Variants in TGFB2 observed in about 807,000 individuals in gnomAD.
The protein encoded by TGFB2 is transforming growth factor beta-2 proprotein.
Under a neutral mutation model 42.7 loss-of-function variants are expected in TGFB2, and 13 were observed. The observed-to-expected ratio is 0.30, with a 90% CI of 0.20 to 0.48. The LOEUF (loss-of-function observed/expected upper bound fraction) is 0.48. Among genes scored for constraint, TGFB2 ranks in the 20% least tolerant of loss-of-function variants. The pLI is 0.99. For synonymous variants in TGFB2, 193 were observed against 193.6 expected, an observed-to-expected ratio of 1.00 and a Z score of 0.03; for missense variants, 390 against 517.5, an observed-to-expected ratio of 0.75 and a Z score of 2.39.
At chr1:218,395,832 T>C (rs900431493) in intron 1 of TGFB2, among the ~76,000 whole-genome samples, 4 of 152,144 alleles carry the variant, frequency 2.6e-5, no homozygotes, top group African/African-American at 9.7e-5. Flanking sequence ...GCCAGGATGG[T>C]CTCGATCTCC....
intron 1 of TGFB2, among the ~76,000 whole-genome samples, chr1:218,404,894 TG>T (rs1658854992): frequency 6.6e-6 from 1 of 152,242 alleles, no homozygotes; most frequent in Non-Finnish European, 1.5e-5. Context: ...TCCACCAGTC[TG>T]TCAGCCTTCA....
chr1:218,392,761 T>G (rs190566066), intron 1 of TGFB2, among the ~76,000 whole-genome samples: 60 of 152,378 alleles, frequency 3.9e-4, no homozygotes, highest in African/African-American at 1.3e-3. Context: ...TTTACTTCTC[T>G]AAAACTGGAT....
chr1:218,432,632 G>A (rs571491414), intron 2 of TGFB2, among the ~76,000 whole-genome samples: 3 of 152,256 alleles, frequency 2.0e-5, no homozygotes, highest in African/African-American at 4.8e-5. Context: ...AAGGTTTAAA[G>A]GATAGTTAAT....
chr1:218,369,816 C>G (rs1179304322), intron 1 of TGFB2, among the ~76,000 whole-genome samples: 1 of 152,220 alleles, frequency 6.6e-6, no homozygotes, highest in Non-Finnish European at 1.5e-5. Flanking sequence ...CAGCTGTGCT[C>G]TGCATGCAAT....
intron 2 of TGFB2, among the ~76,000 whole-genome samples, chr1:218,413,765 A>T (rs1659181285): frequency 1.3e-5 from 2 of 152,200 alleles, no homozygotes; most frequent in Admixed American, 1.3e-4. Flanking sequence ...TCGGATTTTA[A>T]TGTCTCATTG....
At chr1:218,425,004 C>T (rs1474098615) in intron 2 of TGFB2, among the ~76,000 whole-genome samples, 1 of 152,094 alleles carries the variant, frequency 6.6e-6, no homozygotes, top group Non-Finnish European at 1.5e-5. Context: ...TTAAAGGGAT[C>T]AGTTGAGGGA....
At chr1:218,395,459 G>C (rs1454254474) in intron 1 of TGFB2, among the ~76,000 whole-genome samples, 2 of 152,112 alleles carry the variant, frequency 1.3e-5, no homozygotes, top group Non-Finnish European at 2.9e-5. Context: ...GTTTCTGCCT[G>C]GCGTGGTAGT....
At chr1:218,430,917 G>A (rs759656585) in intron 2 of TGFB2, among the ~76,000 whole-genome samples, 9 of 152,290 alleles carry the variant, frequency 5.9e-5, no homozygotes, top group Admixed American at 3.3e-4. Flanking sequence ...AAGCAAGCAC[G>A]CTGAGGGGGA....
chr1:218,434,992 G>A (rs184688823), intron 4 of TGFB2, among the ~76,000 whole-genome samples: 8 of 152,254 alleles, frequency 5.3e-5, no homozygotes, highest in Admixed American at 2.6e-4. Context: ...ACATAAAAAT[G>A]TTTTGGCTTT....
intron 1 of TGFB2, among the ~76,000 whole-genome samples, chr1:218,363,129 TG>T (rs1657273003): frequency 6.6e-6 from 1 of 152,252 alleles, no homozygotes; most frequent in African/African-American, 2.4e-5. Context: ...GGTTAAGGGA[TG>T]CCAGAAGATC....
intron 1 of TGFB2, among the ~76,000 whole-genome samples, chr1:218,384,440 AC>A (rs1189066526): frequency 1.3e-5 from 2 of 152,250 alleles, no homozygotes; most frequent in Non-Finnish European, 2.9e-5. Flanking sequence ...AAAATAAAGT[AC>A]TAAAAGTGGT....
At chr1:218,403,195 G>A (rs1658788329) in intron 1 of TGFB2, among the ~76,000 whole-genome samples, 1 of 147,956 alleles carries the variant, frequency 6.8e-6, no homozygotes, top group African/African-American at 2.6e-5. Flanking sequence ...TGGATACTTT[G>A]GATTTTTTGG....
chr1:218,434,169 T>G lies in TGFB2; in HGVS notation c.598T>G (p.Ser200Ala). Residue 200 changes from serine to alanine, a missense_variant, in exon 3 of 7, where the codon TCC (serine) becomes GCC (alanine). By Grantham distance (99) the Ser-to-Ala change is moderately conservative. Coordinates refer to ENST00000366930, the MANE Select transcript of TGFB2 (RefSeq NM_003238.6). ...AACAAGAGCAGAAGGCGAATGGCTC[T>G]CCTTCGATGTAACTGATGCTGTTCA... ...VKTRAEGEWL[S>A]FDVTDAVHEW... 1 of 1,614,210 alleles carries G rather than the reference T, an allele frequency of 6.2e-7. No individual in the cohort carries two copies. The highest frequency in any genetic ancestry group is 8.5e-7 in the Non-Finnish European group (1 of 1,180,018).
chr1:218,423,296 CTT>C (rs543247806), intron 2 of TGFB2, among the ~76,000 whole-genome samples: 26 of 152,186 alleles, frequency 1.7e-4, no homozygotes, highest in African/African-American at 3.4e-4. Flanking sequence ...TTCCCTCTCT[CTT>C]GTATGGGCTT....
At chr1:218,409,787 A>C (rs983375929) in intron 2 of TGFB2, among the ~76,000 whole-genome samples, 14 of 152,222 alleles carry the variant, frequency 9.2e-5, no homozygotes, top group Non-Finnish European at 1.9e-4. Context: ...ACTACTTGAC[A>C]CACAATTGGC....
intron 1 of TGFB2, among the ~76,000 whole-genome samples, chr1:218,350,597 AT>A (rs1166076848): frequency 2.6e-5 from 4 of 152,236 alleles, no homozygotes; most frequent in African/African-American, 9.7e-5. Context: ...TGATCAAAGC[AT>A]ATTCAAATGA....
intron 2 of TGFB2, among the ~76,000 whole-genome samples, chr1:218,419,952 G>T (rs1269555619): frequency 1.3e-5 from 2 of 152,192 alleles, no homozygotes; most frequent in African/African-American, 4.8e-5. Flanking sequence ...ATTTGGGCTT[G>T]TTAGTTTATA....
At position 218,442,437 on chromosome 1, in the gene TGFB2, AT is replaced by A. The variant is rs1417665985; in HGVS notation, c.*1081del. 6.6e-6 allele frequency: 1 copy of A among 152,134 alleles called. No individual in the cohort carries two copies. Among genetic ancestry groups the A allele is most frequent in the Non-Finnish European group, 1.5e-5 (1 of 67,992 alleles). The allele number at this position is 152,134 out of a possible 1,614,324, so 9.4% of individuals were successfully genotyped here. On this transcript the variant is annotated 3_prime_UTR_variant, in exon 7 of 7. Coordinates refer to ENST00000366930, the MANE Select transcript of TGFB2 (RefSeq NM_003238.6). ...TGTGTAATGTGTAAATTTTTACCAT[AT>A]TTTTTATATTCTGTAATAATGTCAA...
chr1:218,384,313 C>T (rs17047740), intron 1 of TGFB2, among the ~76,000 whole-genome samples: 2,919 of 151,940 alleles, frequency 0.019, 58 homozygotes, highest in East Asian at 0.095. Flanking sequence ...GTGGAAAAAG[C>T]GTTAGCAGGT....
Sources: gnomAD v4.1 joint callset for allele counts (sites outside exome capture counted in the v4.1 genomes callset) on GRCh38, gnomAD v4.1.1 for gene constraint, MANE v1.5 for transcripts, NCBI Gene and HGNC (gene_info 2026-07-23, HGNC 2026-07-21) for gene names.